The following BICD1 variants were observed in gnomAD, a reference collection of about 807,000 sequenced individuals.
BICD1 encodes the protein BICD cargo adaptor 1, also known as protein bicaudal D homolog 1.
In BICD1, 35 loss-of-function variants were observed where a neutral mutation model predicts 92.5. That is an observed-to-expected ratio of 0.38 (90% CI 0.29 to 0.50). BICD1 has a LOEUF of 0.50. Among genes scored for constraint, BICD1 ranks in the 20% least tolerant of loss-of-function variants. The pLI is 0.93. For synonymous variants in BICD1, 429 were observed against 465.1 expected, an observed-to-expected ratio of 0.92 and a Z score of 1.00; for missense variants, 950 against 1,189.8, an observed-to-expected ratio of 0.80 and a Z score of 2.97.
intron 8 of BICD1, among the ~76,000 whole-genome samples, chr12:32,348,795 C>T (rs1938748414): frequency 6.9e-6 from 1 of 144,140 alleles, no homozygotes; most frequent in Non-Finnish European, 1.5e-5. Context: ...GGCAGATACT[C>T]AAGCTGAAAG....
chr12:32,225,196 A>G (rs1005062713), intron 2 of BICD1, among the ~76,000 whole-genome samples: 2 of 152,240 alleles, frequency 1.3e-5, no homozygotes, highest in African/African-American at 4.8e-5. Context: ...GGAATGTCAT[A>G]TAAGTGGAAT....
rs1239438945 is a variant in BICD1, at chr12:32,380,451, A to C, written c.*2824A>C. 6.6e-6 allele frequency: 1 copy of C among 152,080 alleles called. No homozygotes were observed. Among genetic ancestry groups the C allele is most frequent in the Admixed American group, 6.5e-5 (1 of 15,278 alleles). 9.4% of individuals were successfully genotyped at this position (152,080 alleles called of 1,614,324 possible). A position where few individuals can be genotyped will look rare whatever the true frequency, so the allele number is the denominator to read the frequency against. On this transcript the variant is annotated 3_prime_UTR_variant, in exon 10 of 10. Coordinates refer to ENST00000652176, the MANE Select transcript of BICD1 (RefSeq NM_001714.4). ...AATACTGGCTAATTATTGCAAACAG[A>C]GTGAGCAAAGATTAATGCTAACTAG...
At chr12:32,317,560 T>C (rs1027702527) in intron 4 of BICD1, among the ~76,000 whole-genome samples, 3 of 152,180 alleles carry the variant, frequency 2.0e-5, no homozygotes, top group African/African-American at 7.2e-5. Context: ...GGTTGTTTGT[T>C]TTTTTCTTGT....
At chr12:32,190,759 A>G (rs1944542312) in intron 1 of BICD1, among the ~76,000 whole-genome samples, 1 of 152,216 alleles carries the variant, frequency 6.6e-6, no homozygotes, top group Non-Finnish European at 1.5e-5. Context: ...TAACAGACAT[A>G]CACAGACCAT....
At chr12:32,344,087 T>C (rs576109820) in intron 8 of BICD1, among the ~76,000 whole-genome samples, 1 of 152,204 alleles carries the variant, frequency 6.6e-6, no homozygotes, top group Admixed American at 6.5e-5. Flanking sequence ...AAACTCATAG[T>C]CTGGTAGGGG....
At chr12:32,175,786 C>T (rs1592419897) in intron 1 of BICD1, among the ~76,000 whole-genome samples, 1 of 152,272 alleles carries the variant, frequency 6.6e-6, no homozygotes, top group East Asian at 1.9e-4. Flanking sequence ...AGTAGCTTTA[C>T]TGAGTGATGC....
At chr12:32,354,769 T>C (rs980421102) in intron 8 of BICD1, among the ~76,000 whole-genome samples, 1 of 152,238 alleles carries the variant, frequency 6.6e-6, no homozygotes, top group African/African-American at 2.4e-5. Context: ...ATTAAATTCA[T>C]CATTAGATTT....
intron 1 of BICD1, among the ~76,000 whole-genome samples, chr12:32,210,409 TTC>T (rs1183180522): frequency 6.6e-6 from 1 of 152,210 alleles, no homozygotes; most frequent in Non-Finnish European, 1.5e-5. Flanking sequence ...AAAATTTTAT[TTC>T]TTTTATCTTT....
intron 2 of BICD1, among the ~76,000 whole-genome samples, chr12:32,240,368 G>A (rs1233132607): frequency 1.3e-5 from 2 of 151,820 alleles, no homozygotes; most frequent in Non-Finnish European, 2.9e-5. Context: ...GAAGGCTCTG[G>A]GGAAGCGTAC....
chr12:32,112,729 A>G (rs867642802), intron 1 of BICD1, among the ~76,000 whole-genome samples: 9 of 152,274 alleles, frequency 5.9e-5, no homozygotes, highest in Admixed American at 2.6e-4. Context: ...CCATGGCCAC[A>G]TTTTGTCTTG....
Position 32,327,994 on chromosome 12 carries a change from G to A in BICD1, c.1539G>A (p.Glu513=), listed in dbSNP as rs764394915. Residue 513 remains glutamate, a synonymous_variant, in exon 5 of 10, where the codon GAG becomes GAA. Transcript: ENST00000652176. ...TAQDELVTFS[E]ELAQLYHHVC... ...AGGATGAGTTAGTGACATTCAGTGA[G>A]GAGTTAGCTCAGCTTTACCACCATG... The A allele has an allele frequency of 1.2e-6, 2 of 1,613,996 alleles. No individual in the cohort carries two copies. The highest frequency in any genetic ancestry group is 4.5e-5 in the East Asian group (2 of 44,882).
rs755181806 is a variant in BICD1 at position 32,328,152 on chromosome 12, G to A, written c.1697G>A (p.Arg566Gln). The A allele has an allele frequency of 5.0e-6, 8 of 1,614,118 alleles. No homozygotes were observed. In the Admixed American group the frequency reaches 5.0e-5, roughly 10 times the overall value. Reference sequence around the variant, plus strand: ...CTTTTGTCCCCACGATTAGCCAGGCGGGGTGTGTCATCCCCGGTAGAAACA... The same window carrying A: ...CTTTTGTCCCCACGATTAGCCAGGCAGGGTGTGTCATCCCCGGTAGAAACA... ...RGLLSPRLAR[R>Q]GVSSPVETRT... The change falls in exon 5 of 10, where the codon CGG (arginine) becomes CAG (glutamine). Residue 566 changes from arginine to glutamine, a missense_variant. By Grantham distance (43) the Arg-to-Gln change is conservative. This residue lies in a region of BICD1 where 309 missense variants were observed against 499.4 expected (regional missense o/e 0.62). Transcript: ENST00000652176. This position sits in a 1 kb window ranked among gnomAD's most constrained non-coding sequence, Gnocchi z 4.4.
At chr12:32,339,456 C>T in intron 8 of BICD1, 1 of 985,552 alleles carries the variant, frequency 1.0e-6, no homozygotes, top group Non-Finnish European at 1.2e-6. Flanking sequence ...AAAAGTAAAA[C>T]CTTCTAAGAT....
At chr12:32,262,924 G>A (rs7134407) in intron 2 of BICD1, among the ~76,000 whole-genome samples, 4,537 of 150,948 alleles carry the variant, frequency 0.03, 226 homozygotes, top group African/African-American at 0.1. Context: ...TGGGCGGATC[G>A]CTTGAGCTCA....
chr12:32,365,065 G>A (rs1257073904), intron 8 of BICD1, among the ~76,000 whole-genome samples: 4 of 151,980 alleles, frequency 2.6e-5, no homozygotes, highest in African/African-American at 7.3e-5. Context: ...GTGAAACCCC[G>A]TCTCTACTAA....
chr12:32,202,390 AT>A (rs1310036175), intron 1 of BICD1, among the ~76,000 whole-genome samples: 1 of 151,944 alleles, frequency 6.6e-6, no homozygotes, highest in Non-Finnish European at 1.5e-5. Flanking sequence ...AAGGGGTAAT[AT>A]TTTTTTCTGC....
At chr12:32,202,956 A>T (rs768291323) in intron 1 of BICD1, among the ~76,000 whole-genome samples, 12 of 152,068 alleles carry the variant, frequency 7.9e-5, no homozygotes, top group Non-Finnish European at 1.6e-4. Context: ...GATGTCAGGT[A>T]CCCCTTTTTT....
At chr12:32,259,194 A>G (rs1468126170) in intron 2 of BICD1, among the ~76,000 whole-genome samples, 1 of 152,208 alleles carries the variant, frequency 6.6e-6, no homozygotes, top group Non-Finnish European at 1.5e-5. Context: ...TTAGTAACAC[A>G]ACAAAGAGTA....
chr12:32,108,871 T>A, intron 1 of BICD1: 1 of 513,374 alleles, frequency 1.9e-6, no homozygotes. Context: ...CTGTCTGGTC[T>A]TAACAACAGC....
Sources: gnomAD v4.1 joint callset for allele counts (sites outside exome capture counted in the v4.1 genomes callset) on GRCh38, gnomAD v4.1.1 for gene constraint, gnomAD v4.1.1 regional missense constraint, Gnocchi (gnomAD v3.1) non-coding constraint, MANE v1.5 for transcripts, NCBI Gene and HGNC (gene_info 2026-07-23, HGNC 2026-07-21) for gene names.